Variants in CFAP47 observed in about 807,000 individuals in gnomAD.
The protein encoded by CFAP47 is cilia- and flagella-associated protein 47.
Under a neutral mutation model 148.1 loss-of-function variants are expected in CFAP47, and 29 were observed. That is an observed-to-expected ratio of 0.20 (90% CI 0.15 to 0.27). The LOEUF is 0.27. Ranked by LOEUF, CFAP47 falls within the 10% of genes least tolerant of loss-of-function variation. The pLI, the probability that CFAP47 is intolerant of heterozygous loss-of-function variation, is 1.00. For synonymous variants in CFAP47, 664 were observed against 577.3 expected, an observed-to-expected ratio of 1.15 and a Z score of -2.15; for missense variants, 1,872 against 1,697.5, an observed-to-expected ratio of 1.10 and a Z score of -1.81.
intron 48 of CFAP47, among the ~76,000 whole-genome samples, chrX:36,247,154 C>T (rs1346878538): frequency 1.8e-5 from 2 of 111,533 alleles, no homozygotes; most frequent in African/African-American, 6.5e-5. Flanking sequence ...GTCTAGAATT[C>T]CAAACAAAGT....
At chrX:35,993,434 T>G in intron 18 of CFAP47, 113 bp downstream of exon 18, 1 of 269,194 alleles carries the variant, frequency 3.7e-6, no homozygotes, top group Non-Finnish European at 6.6e-6. Context: ...TACACATGTT[T>G]ATTATTAGAA....
chrX:36,307,935 T>C (rs782457404), intron 55 of CFAP47, among the ~76,000 whole-genome samples: 1 of 111,942 alleles, frequency 8.9e-6, no homozygotes, highest in East Asian at 2.8e-4. Context: ...GTGATCCTTC[T>C]CATACAGAAG....
chrX:36,326,271 A>C (rs932875835), intron 57 of CFAP47, among the ~76,000 whole-genome samples: 1 of 109,629 alleles, frequency 9.1e-6, no homozygotes, highest in Admixed American at 9.9e-5. Context: ...TTGCACTTAC[A>C]GAAGAATTTT....
intron 62 of CFAP47, 99 bp from the exon 63 acceptor site, chrX:36,379,251 C>T (rs1047660067): frequency 1.7e-5 from 12 of 726,320 alleles, no homozygotes; most frequent in Non-Finnish European, 2.5e-5. Flanking sequence ...GTTAACCAGG[C>T]CTATTGCAGC....
chrX:36,300,977 C>A lies in CFAP47; in HGVS notation c.7863-95C>A, dbSNP rs782428513. 6.6e-4 allele frequency: 305 copies of A among 465,179 alleles called. 1 individual carries two copies. In the African/African-American group the frequency reaches 7.0e-3, roughly 11 times the overall value. 38.3% of individuals were successfully genotyped at this position (465,179 alleles called of 1,213,427 possible). ...AGTTGTCAAATGTTGTATTTAAAAC[C>A]AACTATTTATACTAGTTTGGGGTAT... is the stretch of plus-strand genomic sequence containing the variant. On this transcript the variant is annotated intron_variant, in intron 52 of 63. Transcript: ENST00000378653.
chrX:36,061,637 A>G (rs1290574426), intron 26 of CFAP47, among the ~76,000 whole-genome samples: 1 of 112,512 alleles, frequency 8.9e-6, no homozygotes, highest in African/African-American at 3.2e-5. Flanking sequence ...TATTTTGCTA[A>G]TGGTTATTGA....
chrX:36,188,243 C>T (rs937938488), intron 40 of CFAP47, among the ~76,000 whole-genome samples: 11 of 111,720 alleles, frequency 9.8e-5, no homozygotes, highest in Admixed American at 9.5e-4. Context: ...TCTAGAACCA[C>T]TTTTGGAAAA....
intron 21 of CFAP47, among the ~76,000 whole-genome samples, chrX:36,003,967 CTTTTTTTTTT>C (rs761024902): frequency 3.0e-5 from 2 of 66,394 alleles, no homozygotes; most frequent in African/African-American, 6.7e-5. Flanking sequence ...CTTTCTTTTT[CTTTTTTTTTT>C]TTTTTTTTTT....
chrX:36,231,394 C>G (rs1602058006), intron 46 of CFAP47, among the ~76,000 whole-genome samples: 1 of 104,027 alleles, frequency 9.6e-6, no homozygotes, highest in Admixed American at 1.0e-4. Flanking sequence ...GGAGTTCACT[C>G]ATGATTTGGC....
chrX:36,271,396 G>A (rs182367839), intron 49 of CFAP47, among the ~76,000 whole-genome samples: 1 of 111,192 alleles, frequency 9.0e-6, no homozygotes, highest in Non-Finnish European at 1.9e-5. Flanking sequence ...GATGATGCAA[G>A]GTGGGTGTGA....
At chrX:36,079,711 A>T (rs1162743040) in intron 29 of CFAP47, among the ~76,000 whole-genome samples, 4 of 111,720 alleles carry the variant, frequency 3.6e-5, no homozygotes, top group African/African-American at 1.3e-4. Context: ...GGTACTGGGA[A>T]AACTGGCTAG....
chrX:35,923,332 T>C (rs949858811), intron 1 of CFAP47, among the ~76,000 whole-genome samples: 1 of 112,073 alleles, frequency 8.9e-6, no homozygotes, highest in East Asian at 2.8e-4. Flanking sequence ...TTACATAAGA[T>C]AATACATGTA....
In CFAP47 at chrX:36,171,268, G is replaced by C. The variant is rs1367744671; in HGVS notation, c.6027-8077G>C. On this transcript the variant is annotated intron_variant, in intron 39 of 63. Transcript: ENST00000378653. ...AGGTTGCCTGTTCACTCTGATGGTA[G>C]TTTCTTTTGCTGTGCAGAAGCTCTT... Among the ~76,000 whole-genome samples, 18 of 108,597 alleles carry C rather than the reference G, an allele frequency of 1.7e-4. No homozygotes were observed. In the East Asian group the frequency reaches 3.8e-3, roughly 23 times the overall value. 94.3% of individuals were successfully genotyped at this position (108,597 alleles called of 115,157 possible). A position where few individuals can be genotyped will look rare whatever the true frequency, so the allele number is the denominator to read the frequency against.
chrX:36,316,803 T>G (rs1458365559), intron 56 of CFAP47, among the ~76,000 whole-genome samples: 2 of 112,191 alleles, frequency 1.8e-5, no homozygotes, highest in African/African-American at 6.5e-5. Flanking sequence ...TTTTTTGTTT[T>G]GAGACATGGT....
intron 57 of CFAP47, among the ~76,000 whole-genome samples, chrX:36,342,312 AAT>A (rs1569321803): frequency 8.9e-6 from 1 of 112,121 alleles, no homozygotes; most frequent in Admixed American, 9.5e-5. Flanking sequence ...AAAAATTTCA[AAT>A]ATCCCTAAAC....
rs369617208 is a variant in CFAP47, at chrX:36,378,957, G to A, written c.9186-393G>A. ...CTCCTGAGTAGCTGGGATTACAGGCGCACATCACCGTGCCTGGTTAATTTT... is the reference window on the plus strand; with the variant it reads ...CTCCTGAGTAGCTGGGATTACAGGCACACATCACCGTGCCTGGTTAATTTT... On this transcript the variant is annotated intron_variant, in intron 62 of 63. Transcript: ENST00000378653. Among the ~76,000 whole-genome samples, 9 of 108,949 alleles carry A rather than the reference G, an allele frequency of 8.3e-5. No individual in the cohort carries two copies. The East Asian group carries it at 8.8e-4, about 11-fold the overall frequency. 94.6% of individuals were successfully genotyped at this position (108,949 alleles called of 115,157 possible).
At chrX:35,951,751 A>AT (rs1555951610) in intron 5 of CFAP47, 52 bp from the exon 6 acceptor site, 7 of 1,032,355 alleles carry the variant, frequency 6.8e-6, no homozygotes, top group Non-Finnish European at 8.7e-6. Context: ...CTCCTCAAAA[A>AT]TTTTTTTGTG....
intron 33 of CFAP47, among the ~76,000 whole-genome samples, chrX:36,119,203 C>T (rs775137919): frequency 2.3e-4 from 26 of 111,935 alleles, no homozygotes; most frequent in Middle Eastern, 4.7e-3. Flanking sequence ...ATACTAGCTT[C>T]GGGTCTGTCA....
At chrX:36,338,177 G>A (rs1423463089) in intron 57 of CFAP47, among the ~76,000 whole-genome samples, 1 of 107,167 alleles carries the variant, frequency 9.3e-6, no homozygotes, top group Non-Finnish European at 1.9e-5. Context: ...GTGAGCCACC[G>A]TGCCCAGCCT....
Sources: allele counts gnomAD v4.1 joint callset (sites outside exome capture counted in the v4.1 genomes callset), GRCh38; gene constraint gnomAD v4.1.1; transcripts MANE v1.5; gene names NCBI Gene and HGNC (gene_info 2026-07-23, HGNC 2026-07-21).